Variants in SRCIN1 observed in about 807,000 individuals in gnomAD.
The protein encoded by SRCIN1 is P130Cas-associated protein.
In SRCIN1, 50 loss-of-function variants were observed where a neutral mutation model predicts 116.2. The ratio of observed to expected loss-of-function variants is 0.43; its 90% CI spans 0.34 to 0.54. The LOEUF is 0.54. Ranked by LOEUF, SRCIN1 falls within the 20% of genes least tolerant of loss-of-function variation. The probability of loss-of-function intolerance (pLI) is 0.02; values close to 1 mark genes in which losing one functional copy is unlikely to be tolerated. For synonymous variants in SRCIN1, 736 were observed against 750.0 expected, an observed-to-expected ratio of 0.98 and a Z score of 0.30; for missense variants, 1,446 against 1,672.0, an observed-to-expected ratio of 0.86 and a Z score of 2.36.
chr17:38,576,215 C>A (rs1907407698), intron 2 of SRCIN1, among the ~76,000 whole-genome samples: 1 of 152,092 alleles, frequency 6.6e-6, no homozygotes, highest in Non-Finnish European at 1.5e-5. Context: ...GTGGCTGGGG[C>A]TCCTGATCCT....
At chr17:38,592,391 TCAACC>T (rs1395702893) in intron 1 of SRCIN1, among the ~76,000 whole-genome samples, 16 of 152,160 alleles carry the variant, frequency 1.1e-4, no homozygotes, top group Non-Finnish European at 2.1e-4. Flanking sequence ...GCAGTGCACC[TCAACC>T]AGGTGGTCAC....
Position 38,533,301 on chromosome 17 carries a change from A to G in SRCIN1, c.3548T>C (p.Phe1183Ser). 1.3e-6 allele frequency: 2 copies of G among 1,558,738 alleles called. No individual in the cohort carries two copies. Among genetic ancestry groups the G allele is most frequent in the Non-Finnish European group, 1.7e-6 (2 of 1,149,472 alleles). ...GGGCAGCGGGGTGAGGGGCTTCTAG[A>G]AGGAGATGGAAGAATTCCTTGCCCC... Reference protein sequence around the residue: ...SFGARNSSISF With the variant: ...SFGARNSSISS Residue 1183 changes from phenylalanine (F) to serine (S), a missense_variant, in exon 19 of 19, where the codon TTC (phenylalanine) becomes TCC (serine). Physicochemically the swap from Phe to Ser is radical, Grantham distance 155. Around this residue, in one of 5 missense-constraint regions of SRCIN1, gnomAD observed 531 missense variants for 633.9 expected, o/e 0.84. Coordinates refer to ENST00000617146, the MANE Select transcript of SRCIN1 (RefSeq NM_025248.3).
At chr17:38,560,908 T>C (rs1302901740) in intron 7 of SRCIN1, among the ~76,000 whole-genome samples, 1 of 152,244 alleles carries the variant, frequency 6.6e-6, no homozygotes, top group Non-Finnish European at 1.5e-5. Flanking sequence ...TCAGCAGCGC[T>C]GCCTGAGGGT....
At position 38,572,235 on chromosome 17, in the gene SRCIN1, G is replaced by C. The variant is rs185212880; in HGVS notation, c.325-4004C>G. Among the ~76,000 whole-genome samples, 4 of 152,170 alleles carry C rather than the reference G, an allele frequency of 2.6e-5. No individual in the cohort carries two copies. Among genetic ancestry groups the C allele is most frequent in the Non-Finnish European group, 4.4e-5 (3 of 68,022 alleles). ...GAGTCAGCGTAAACACTCGTCCCCC[G>C]GGCTGGGGCTAAGCCACTCGCCCCT... On this transcript the variant is annotated intron_variant, in intron 2 of 18. Coordinates refer to ENST00000617146, the MANE Select transcript of SRCIN1 (RefSeq NM_025248.3). This position sits in a 1 kb window ranked among gnomAD's most constrained non-coding sequence, Gnocchi z 4.3.
At chr17:38,539,535 C>G in intron 18 of SRCIN1, among the ~76,000 whole-genome samples, 1 of 152,140 alleles carries the variant, frequency 6.6e-6, no homozygotes, top group East Asian at 1.9e-4. Context: ...TCCCTGCTCT[C>G]TCCCTCCTGG....
intron 1 of SRCIN1, 29 bp from the exon 2 acceptor site, chr17:38,578,820 G>A: frequency 6.9e-7 from 1 of 1,454,560 alleles, no homozygotes; most frequent in Non-Finnish European, 9.0e-7. Context: ...GCACGGCTGG[G>A]TCACGGCGCG....
upstream of SRCIN1, among the ~76,000 whole-genome samples, chr17:38,606,637 C>T (rs1909382747): frequency 6.6e-6 from 1 of 152,210 alleles, no homozygotes; most frequent in African/African-American, 2.4e-5. This position sits in a 1 kb window ranked among gnomAD's most constrained non-coding sequence, Gnocchi z 5.2. Context: ...GACGCTCCAG[C>T]GACGGTCCCT....
rs766071607 is a variant in SRCIN1 at position 38,552,641 on chromosome 17, G to T, written c.2333-47C>A. The T allele has an allele frequency of 6.2e-7, 1 of 1,613,038 alleles. No individual in the cohort carries two copies. On this transcript the variant is annotated intron_variant, in intron 12 of 18. Coordinates refer to ENST00000617146, the MANE Select transcript of SRCIN1 (RefSeq NM_025248.3). The surrounding 1 kb of genome is among the most constrained non-coding windows in gnomAD (Gnocchi z 5.3). ...AGCTGGGGCCAGAGGGAGCACCACA[G>T]ACTGGGAGGAGAGGATGGTGGCTGG...
chr17:38,561,534 G>A lies in SRCIN1; in HGVS notation c.1629C>T (p.Leu543=). The A allele has an allele frequency of 1.9e-6, 3 of 1,599,918 alleles. No individual in the cohort carries two copies. In the Middle Eastern group the frequency reaches 5.0e-4, roughly 265 times the overall value. Residue 543 remains leucine, a synonymous_variant, in exon 7 of 19, where the codon CTC becomes CTT. Transcript: ENST00000617146. ...GCGAGCGTTCCCCAGGCCCAGGGAAGAGCTCCGAAGGGGGAGCTCCGGCCG... is the reference window on the plus strand; with the variant it reads ...GCGAGCGTTCCCCAGGCCCAGGGAAAAGCTCCGAAGGGGGAGCTCCGGCCG... ...ASTAGAPPSE[L]FPGPGERSLV...
intron 1 of SRCIN1, among the ~76,000 whole-genome samples, chr17:38,591,720 G>A (rs945575887): frequency 1.3e-5 from 2 of 152,222 alleles, no homozygotes; most frequent in Non-Finnish European, 1.5e-5. Flanking sequence ...CTGCCTGGAA[G>A]GGGTGAAGTT....
Position 38,563,619 on chromosome 17 carries a change from G to C in SRCIN1, c.542-98C>G. 2 of 1,477,110 alleles carry C rather than the reference G, an allele frequency of 1.4e-6. No homozygotes were observed. Among genetic ancestry groups the C allele is most frequent in the South Asian group, 1.2e-5 (1 of 82,816 alleles). 91.5% of individuals were successfully genotyped at this position (1,477,110 alleles called of 1,614,324 possible). Reference sequence around the variant, plus strand: ...TTTTCGGAGCTGCGCCAGCCCCGCAGCGGCAGGGTCTGAGGCTAGACGCCG... The same window carrying C: ...TTTTCGGAGCTGCGCCAGCCCCGCACCGGCAGGGTCTGAGGCTAGACGCCG... On this transcript the variant is annotated intron_variant, in intron 4 of 18. Transcript: ENST00000617146. This position sits in a 1 kb window ranked among gnomAD's most constrained non-coding sequence, Gnocchi z 5.8.
In SRCIN1 at chr17:38,563,761, G is replaced by A. The variant is rs1906461968; in HGVS notation, c.542-240C>T. 7 of 684,536 alleles carry A rather than the reference G, an allele frequency of 1.0e-5. No individual in the cohort carries two copies. Among genetic ancestry groups the A allele is most frequent in the Non-Finnish European group, 1.8e-5 (7 of 386,342 alleles). 42.4% of individuals were successfully genotyped at this position (684,536 alleles called of 1,614,324 possible). On this transcript the variant is annotated intron_variant, in intron 4 of 18. Transcript: ENST00000617146. This position sits in a 1 kb window ranked among gnomAD's most constrained non-coding sequence, Gnocchi z 5.8. ...CAGGCAGTTGAAGGAACTTGGACAA[G>A]GAAATGGAAGTGGGGGCAGAGCAGG...
At chr17:38,592,145 G>A (rs190349927) in intron 1 of SRCIN1, among the ~76,000 whole-genome samples, 124 of 152,346 alleles carry the variant, frequency 8.1e-4, no homozygotes, top group Admixed American at 1.4e-3. Context: ...CAAGTGCCCC[G>A]TGTCTGCATC....
At chr17:38,606,971 G>A (rs1772823331), upstream of SRCIN1, among the ~76,000 whole-genome samples, 1 of 152,166 alleles carries the variant, frequency 6.6e-6, no homozygotes, top group Admixed American at 6.5e-5. The surrounding 1 kb of genome is among the most constrained non-coding windows in gnomAD (Gnocchi z 5.2). Context: ...AGCAGTTTAG[G>A]TGAGCAAGAG....
Position 38,551,406 on chromosome 17 carries a change from G to T in SRCIN1, c.2728-17C>A. 1 of 1,587,024 alleles carries T rather than the reference G, an allele frequency of 6.3e-7. No individual in the cohort carries two copies. Among genetic ancestry groups the T allele is most frequent in the South Asian group, 1.1e-5 (1 of 87,806 alleles). ...CTCTGCAGCCTTAACAGGGAGCCAG[G>T]AGTCAGGATTGAGGTAGCTCTCCTG... On this transcript the variant is annotated splice_polypyrimidine_tract_variant and intron_variant, in intron 14 of 18. Coordinates refer to ENST00000617146, the MANE Select transcript of SRCIN1 (RefSeq NM_025248.3).
chr17:38,549,012 C>A, intron 16 of SRCIN1, 44 bp downstream of exon 16: 4 of 1,607,406 alleles, frequency 2.5e-6, no homozygotes, highest in Non-Finnish European at 3.4e-6. Context: ...GAGGCTTCAT[C>A]CTAACTCAGT....
intron 1 of SRCIN1, among the ~76,000 whole-genome samples, chr17:38,590,714 G>A (rs565531249): frequency 6.6e-6 from 1 of 151,362 alleles, no homozygotes; most frequent in East Asian, 1.9e-4. Flanking sequence ...ATAAGTGGAA[G>A]AGGCTGATCT....
intron 1 of SRCIN1, among the ~76,000 whole-genome samples, chr17:38,588,350 T>C (rs1171800590): frequency 6.6e-6 from 1 of 152,228 alleles, no homozygotes; most frequent in Non-Finnish European, 1.5e-5. Flanking sequence ...GAGCTGGAAA[T>C]GCTGAGAACA....
Position 38,585,284 on chromosome 17 carries a change from C to T in SRCIN1, c.23-6493G>A, listed in dbSNP as rs183337305. ...ACACCCACACACACACACAAACACA[C>T]AGCATGAGGCTCCCCCAGTCCCTCC... On this transcript the variant is annotated intron_variant, in intron 1 of 18. Coordinates refer to ENST00000617146, the MANE Select transcript of SRCIN1 (RefSeq NM_025248.3). This position sits in a 1 kb window ranked among gnomAD's most constrained non-coding sequence, Gnocchi z 4.2. Among the ~76,000 whole-genome samples the T allele has an allele frequency of 6.6e-6, 1 of 152,354 alleles. No homozygotes were observed. Among genetic ancestry groups the T allele is most frequent in the East Asian group, 1.9e-4 (1 of 5,192 alleles).
Sources: gnomAD v4.1 joint callset for allele counts (sites outside exome capture counted in the v4.1 genomes callset) on GRCh38, gnomAD v4.1.1 for gene constraint, gnomAD v4.1.1 regional missense constraint, Gnocchi (gnomAD v3.1) non-coding constraint, MANE v1.5 for transcripts, NCBI Gene and HGNC (gene_info 2026-07-23, HGNC 2026-07-21) for gene names.